ATOH8: variants seen among roughly 807,000 people sequenced by gnomAD.
The protein encoded by ATOH8 is atonal bHLH transcription factor 8.
A neutral mutation model predicts 21.2 loss-of-function variants in ATOH8; 9 were observed. The ratio of observed to expected loss-of-function variants is 0.42; its 90% CI spans 0.26 to 0.74. The LOEUF (loss-of-function observed/expected upper bound fraction) is 0.74, where lower values mean the gene tolerates loss of function less well. ATOH8 is among the 30% of genes least tolerant of loss of function. ATOH8 has a pLI of 0.24. For missense variants in ATOH8, 524 were observed against 470.9 expected (o/e 1.11, Z -1.04); for synonymous variants, 253 against 224.0 (o/e 1.13, Z -1.16).
At chr2:85,782,456 ATT>A (rs35152195) in intron 2 of ATOH8, among the ~76,000 whole-genome samples, 22 of 150,440 alleles carry the variant, frequency 1.5e-4, no homozygotes, top group African/African-American at 4.6e-4. Context: ...AACAATTAGA[ATT>A]TTTTTTTTTT....
Position 85,766,363 on chromosome 2 carries a change from G to A in ATOH8, c.960+2181G>A, listed in dbSNP as rs1680015456. Among the ~76,000 whole-genome samples, 1 of 151,968 alleles carries A rather than the reference G, an allele frequency of 6.6e-6. No individual in the cohort carries two copies. Among genetic ancestry groups the A allele is most frequent in the African/African-American group, 2.4e-5 (1 of 41,338 alleles). On this transcript the variant is annotated intron_variant, in intron 2 of 2. Coordinates refer to ENST00000306279, the MANE Select transcript of ATOH8 (RefSeq NM_032827.7). The surrounding 1 kb of genome is among the most constrained non-coding windows in gnomAD (Gnocchi z 4.0). ...CCCCACACCCAGCCCGGGCCTGAGG[G>A]CACTTCCTGCCTCCTGCCCTCAGTC...
chr2:85,756,894 C>A (rs575905623), intron 1 of ATOH8, among the ~76,000 whole-genome samples: 3 of 152,192 alleles, frequency 2.0e-5, no homozygotes, highest in Non-Finnish European at 4.4e-5. Context: ...CTTGGCAGAC[C>A]CTTTGAGATG....
chr2:85,754,512 G>A lies in ATOH8; in HGVS notation c.323G>A (p.Arg108Gln), dbSNP rs1343863294. The A allele has an allele frequency of 1.4e-6, 2 of 1,428,192 alleles. No homozygotes were observed. Among genetic ancestry groups the A allele is most frequent in the Admixed American group, 3.1e-5 (1 of 32,186 alleles). The allele number at this position is 1,428,192 out of a possible 1,614,324, so 88.5% of individuals were successfully genotyped here. A position where few individuals can be genotyped will look rare whatever the true frequency, so the allele number is the denominator to read the frequency against. ...CGGGCGCCCGAGGTCTCCGACGCGCGGAAACGCTGCTTCGCCCTAGGCGCA... is the reference window on the plus strand; with the variant it reads ...CGGGCGCCCGAGGTCTCCGACGCGCAGAAACGCTGCTTCGCCCTAGGCGCA... Reference protein sequence around the residue: ...GSRAPEVSDARKRCFALGAVG... With the variant: ...GSRAPEVSDAQKRCFALGAVG... The change falls in exon 1 of 3, where the codon CGG (arginine) becomes CAG (glutamine). Residue 108 changes from arginine (R) to glutamine (Q), a missense_variant. Coordinates refer to ENST00000306279, the MANE Select transcript of ATOH8 (RefSeq NM_032827.7).
At position 85,754,666 on chromosome 2, in the gene ATOH8, G is replaced by A. The variant is rs764092180; in HGVS notation, c.477G>A (p.Pro159=). 6.5e-7 allele frequency: 1 copy of A among 1,547,614 alleles called. No homozygotes were observed. Among genetic ancestry groups the A allele is most frequent in the South Asian group, 1.2e-5 (1 of 83,834 alleles). ...GLRPRILLCA[P]PARPAPSAPP... Reference sequence around the variant, plus strand: ...GTCCTCGCATCTTGCTGTGCGCACCGCCCGCGCGCCCCGCGCCGTCAGCAC... The same window carrying A: ...GTCCTCGCATCTTGCTGTGCGCACCACCCGCGCGCCCCGCGCCGTCAGCAC... Residue 159 remains proline, a synonymous_variant, in exon 1 of 3, where the codon CCG becomes CCA. Coordinates refer to ENST00000306279, the MANE Select transcript of ATOH8 (RefSeq NM_032827.7).
intron 2 of ATOH8, among the ~76,000 whole-genome samples, chr2:85,772,265 G>T (rs866319343): frequency 6.6e-6 from 1 of 152,216 alleles, no homozygotes; most frequent in Non-Finnish European, 1.5e-5. Flanking sequence ...AGGTTAAGTC[G>T]CCTGGCGGCC....
At chr2:85,777,490 G>A (rs776314188) in intron 2 of ATOH8, among the ~76,000 whole-genome samples, 5 of 152,186 alleles carry the variant, frequency 3.3e-5, no homozygotes, top group African/African-American at 4.8e-5. Context: ...CTTAGTGTCA[G>A]GGCAGAGAGC....
chr2:85,754,698 C>T lies in ATOH8; in HGVS notation c.509C>T (p.Ala170Val), dbSNP rs370860948. The T allele has an allele frequency of 3.7e-6, 6 of 1,606,774 alleles. No individual in the cohort carries two copies. Among genetic ancestry groups the T allele is most frequent in the Non-Finnish European group, 5.1e-6 (6 of 1,177,094 alleles). ...PARPAPSAPP[A>V]PPAPPESTVR... ...CGCCCCGCGCCGTCAGCACCCCCAG[C>T]ACCGCCAGCGCCCCCGGAGTCCACT... Residue 170 changes from alanine to valine, a missense_variant, in exon 1 of 3, where the codon GCA (alanine) becomes GTA (valine). Coordinates refer to ENST00000306279, the MANE Select transcript of ATOH8 (RefSeq NM_032827.7).
Position 85,788,060 on chromosome 2 carries a change from A to C in ATOH8, c.*1170A>C, listed in dbSNP as rs1374764748. On this transcript the variant is annotated 3_prime_UTR_variant, in exon 3 of 3. Transcript: ENST00000306279. ...ATTGAAGTAAAAGCCCCAAAATGTC[A>C]AGAAAATACTTGTGTTGAGTGGACT... 6.6e-6 allele frequency: 1 copy of C among 152,624 alleles called. No individual in the cohort carries two copies. The highest frequency in any genetic ancestry group is 2.4e-5 in the African/African-American group (1 of 41,456). The allele number at this position is 152,624 out of a possible 1,614,324, so 9.5% of individuals were successfully genotyped here. A position where few individuals can be genotyped will look rare whatever the true frequency, so the allele number is the denominator to read the frequency against.
At chr2:85,756,959 A>T (rs747483856) in intron 1 of ATOH8, among the ~76,000 whole-genome samples, 2 of 152,198 alleles carry the variant, frequency 1.3e-5, no homozygotes, top group Non-Finnish European at 2.9e-5. Flanking sequence ...GAAGTTCTCT[A>T]TAAAAAGGGC....
chr2:85,773,244 C>T (rs1573532591), intron 2 of ATOH8: 2 of 182,192 alleles, frequency 1.1e-5, no homozygotes, highest in Admixed American at 1.2e-4. Flanking sequence ...GCCGGTGCCT[C>T]GGCTCTGCCG....
At position 85,789,457 on chromosome 2, in the gene ATOH8, G is replaced by T. The variant is rs1680707637; in HGVS notation, c.*2567G>T. Among the ~76,000 whole-genome samples, 1 of 152,210 alleles carries T rather than the reference G, an allele frequency of 6.6e-6. No individual in the cohort carries two copies. The highest frequency in any genetic ancestry group is 2.4e-5 in the African/African-American group (1 of 41,444). ...AAAGGAAGAACTAACTCTTGGGGAG[G>T]TTCTCAGGAAGGATTTCCCTGGAAA... On this transcript the variant is annotated 3_prime_UTR_variant, in exon 3 of 3. Transcript: ENST00000306279.
chr2:85,775,351 C>T lies in ATOH8; in HGVS notation c.960+11169C>T, dbSNP rs540071780. 273 of 955,504 alleles carry T rather than the reference C, an allele frequency of 2.9e-4. 3 individuals carry two copies. In the South Asian group the frequency reaches 0.012, roughly 42 times the overall value. 59.2% of individuals were successfully genotyped at this position (955,504 alleles called of 1,614,324 possible). Reference sequence around the variant, plus strand: ...TGCTGATGGCAAGGGACATTCCCTTCTAGGGAAGGATTAACTAGGGGCTTT... The same window carrying T: ...TGCTGATGGCAAGGGACATTCCCTTTTAGGGAAGGATTAACTAGGGGCTTT... On this transcript the variant is annotated intron_variant, in intron 2 of 2. Transcript: ENST00000306279.
chr2:85,784,042 A>G (rs1250541512), intron 2 of ATOH8, among the ~76,000 whole-genome samples: 1 of 152,162 alleles, frequency 6.6e-6, no homozygotes, highest in Admixed American at 6.5e-5. Context: ...AGGAAGGCGG[A>G]TACCTGCAAG....
At chr2:85,769,039 G>A (rs563620668) in intron 2 of ATOH8, among the ~76,000 whole-genome samples, 25 of 152,326 alleles carry the variant, frequency 1.6e-4, no homozygotes, top group African/African-American at 6.0e-4. Flanking sequence ...CAACTCCTGG[G>A]AGCTTCTGAG....
intron 2 of ATOH8, among the ~76,000 whole-genome samples, chr2:85,770,069 G>A (rs1377106180): frequency 6.6e-6 from 1 of 152,200 alleles, no homozygotes; most frequent in African/African-American, 2.4e-5. Flanking sequence ...GGACCTCAGG[G>A]CGGTTTGCCC....
intron 2 of ATOH8, among the ~76,000 whole-genome samples, chr2:85,771,177 C>T (rs905057523): frequency 3.3e-5 from 5 of 152,182 alleles, no homozygotes; most frequent in Non-Finnish European, 5.9e-5. Flanking sequence ...CACGCTATGG[C>T]GGCCCTCAGC....
chr2:85,783,975 C>T (rs1242746177), intron 2 of ATOH8, among the ~76,000 whole-genome samples: 1 of 152,154 alleles, frequency 6.6e-6, no homozygotes, highest in African/African-American at 2.4e-5. Flanking sequence ...AATGGGCGTC[C>T]TCCACTGGGT....
Position 85,776,137 on chromosome 2 carries a change from G to A in ATOH8, c.961-10748G>A, listed in dbSNP as rs116441728. Among the ~76,000 whole-genome samples the A allele has an allele frequency of 7.4e-3, 1,134 of 152,360 alleles. 18 individuals carry two copies. Among genetic ancestry groups the A allele is most frequent in the African/African-American group, 0.025 (1,059 of 41,578 alleles). On this transcript the variant is annotated intron_variant, in intron 2 of 2. Coordinates refer to ENST00000306279, the MANE Select transcript of ATOH8 (RefSeq NM_032827.7). ...TCCACATTATTAAACATGGGAGTGA[G>A]ATGAGGCGAAGTCGCCCAGGCTCAA...
At position 85,766,771 on chromosome 2, in the gene ATOH8, G is replaced by C. The variant is rs1434000213; in HGVS notation, c.960+2589G>C. ...CTGTGTCCCGCTTCTGGGCACCTAT[G>C]CTTTTGCGGTCATAATTGCTAGCTG... is the stretch of plus-strand genomic sequence containing the variant. On this transcript the variant is annotated intron_variant, in intron 2 of 2. Coordinates refer to ENST00000306279, the MANE Select transcript of ATOH8 (RefSeq NM_032827.7). This position sits in a 1 kb window ranked among gnomAD's most constrained non-coding sequence, Gnocchi z 4.0. Among the ~76,000 whole-genome samples the C allele has an allele frequency of 6.6e-6, 1 of 152,120 alleles. No individual in the cohort carries two copies. The highest frequency in any genetic ancestry group is 1.9e-4 in the East Asian group (1 of 5,160).
Sources: allele counts gnomAD v4.1 joint callset (sites outside exome capture counted in the v4.1 genomes callset), GRCh38; gene constraint gnomAD v4.1.1; non-coding constraint Gnocchi (gnomAD v3.1); transcripts MANE v1.5; gene names NCBI Gene and HGNC (gene_info 2026-07-23, HGNC 2026-07-21).